DLG2: variants seen among roughly 807,000 people sequenced by gnomAD.
DLG2 encodes the protein disks large homolog 2.
Under a neutral mutation model 132.5 loss-of-function variants are expected in DLG2, and 45 were observed. The ratio of observed to expected loss-of-function variants is 0.34; its 90% confidence interval spans 0.27 to 0.44. The LOEUF (loss-of-function observed/expected upper bound fraction) is 0.44, where lower values mean the gene tolerates loss of function less well. DLG2 is among the 20% of genes least tolerant of loss of function. The probability of loss-of-function intolerance (pLI) is 1.00; values close to 1 mark genes in which losing one functional copy is unlikely to be tolerated. For synonymous variants in DLG2, 424 were observed against 419.6 expected (o/e 1.01, Z -0.13); for missense variants, 1,045 against 1,196.9 (o/e 0.87, Z 1.87).
At chr11:85,283,488 A>AC (rs1439987045) in intron 4 of DLG2, among the ~76,000 whole-genome samples, 2 of 150,880 alleles carry the variant, frequency 1.3e-5, no homozygotes, top group African/African-American at 2.4e-5. Context: ...AACCAGAAAA[A>AC]AAAACAATTA....
intron 4 of DLG2, among the ~76,000 whole-genome samples, chr11:85,170,314 C>T (rs979541182): frequency 6.6e-6 from 1 of 152,074 alleles, no homozygotes; most frequent in Non-Finnish European, 1.5e-5. Flanking sequence ...TCTTTCCCCC[C>T]ACATATACAG....
chr11:85,068,800 A>T (rs975643281), intron 6 of DLG2, among the ~76,000 whole-genome samples: 1 of 152,126 alleles, frequency 6.6e-6, no homozygotes, highest in African/African-American at 2.4e-5. Context: ...GGAAAAAACT[A>T]CTTTAAAGTT....
chr11:84,525,906 C>A (rs1381966478), intron 7 of DLG2, among the ~76,000 whole-genome samples: 1 of 152,088 alleles, frequency 6.6e-6, no homozygotes, highest in Non-Finnish European at 1.5e-5. Context: ...TATAGGGCAA[C>A]CTTGACTTTT....
chr11:85,308,237 G>A (rs2080090913), intron 3 of DLG2, among the ~76,000 whole-genome samples: 1 of 148,968 alleles, frequency 6.7e-6, no homozygotes, highest in Non-Finnish European at 1.5e-5. Flanking sequence ...CAGAAAGCCA[G>A]TTTCTAATTT....
chr11:84,827,675 T>TAAAAAA (rs1419837651), intron 6 of DLG2, among the ~76,000 whole-genome samples: 2 of 3,576 alleles, frequency 5.6e-4, no homozygotes, highest in African/African-American at 1.1e-3. Context: ...GTACATACAG[T>TAAAAAA]CAAAAAAAAA....
chr11:85,163,775 C>G (rs939030205), intron 4 of DLG2, among the ~76,000 whole-genome samples: 1 of 152,120 alleles, frequency 6.6e-6, no homozygotes, highest in African/African-American at 2.4e-5. Flanking sequence ...TACTAACCAC[C>G]CTATAGCTGA....
chr11:85,006,157 T>A (rs2058644547), intron 6 of DLG2, among the ~76,000 whole-genome samples: 1 of 152,226 alleles, frequency 6.6e-6, no homozygotes, highest in South Asian at 2.1e-4. Context: ...TGCATTGAAG[T>A]TCATCAGGGA....
chr11:84,649,226 A>G (rs900036794), intron 6 of DLG2, among the ~76,000 whole-genome samples: 4 of 152,192 alleles, frequency 2.6e-5, no homozygotes, highest in African/African-American at 7.2e-5. Context: ...ATGACCATTA[A>G]GGATTCTCTG....
intron 6 of DLG2, among the ~76,000 whole-genome samples, chr11:84,777,140 G>A (rs549595070): frequency 1.3e-5 from 2 of 151,636 alleles, no homozygotes; most frequent in South Asian, 2.1e-4. Context: ...GTGAGAACAT[G>A]CAATATTTGA....
intron 3 of DLG2, among the ~76,000 whole-genome samples, chr11:85,401,525 A>G (rs568457751): frequency 2.0e-5 from 3 of 152,286 alleles, no homozygotes; most frequent in East Asian, 1.9e-4. Context: ...AGGGTATTCA[A>G]TTAGGAAAAG....
chr11:84,820,649 T>C (rs1262247181), intron 6 of DLG2, among the ~76,000 whole-genome samples: 3 of 151,902 alleles, frequency 2.0e-5, no homozygotes, highest in Non-Finnish European at 4.4e-5. Context: ...CCAGTGCACC[T>C]TGGTTTCTGT....
intron 4 of DLG2, among the ~76,000 whole-genome samples, chr11:85,248,098 T>C (rs117903028): frequency 2.5e-3 from 380 of 152,228 alleles, no homozygotes; most frequent in Non-Finnish European, 4.1e-3. Flanking sequence ...CTATTATATC[T>C]GTGTAGCACA....
intron 3 of DLG2, among the ~76,000 whole-genome samples, chr11:85,468,470 C>T (rs1298189660): frequency 6.6e-6 from 1 of 152,196 alleles, no homozygotes; most frequent in Non-Finnish European, 1.5e-5. Context: ...TTTCCCTCTA[C>T]ACACTGCTTT....
intron 10 of DLG2, among the ~76,000 whole-genome samples, chr11:84,093,577 G>A (rs759431146): frequency 6.6e-6 from 1 of 152,016 alleles, no homozygotes; most frequent in Non-Finnish European, 1.5e-5. Flanking sequence ...AGGTTCTATG[G>A]ATTATGGTAT....
At chr11:84,381,548 T>C (rs1391077780) in intron 7 of DLG2, among the ~76,000 whole-genome samples, 1 of 152,176 alleles carries the variant, frequency 6.6e-6, no homozygotes, top group Non-Finnish European at 1.5e-5. Context: ...GGTTTAATAT[T>C]AGAAAATGTA....
intron 10 of DLG2, among the ~76,000 whole-genome samples, chr11:84,084,684 C>G (rs2096950554): frequency 6.6e-6 from 1 of 152,176 alleles, no homozygotes; most frequent in African/African-American, 2.4e-5. Context: ...CAGGCCTGTA[C>G]TTCTCAGTTT....
intron 8 of DLG2, among the ~76,000 whole-genome samples, chr11:84,228,443 C>T (rs1003818322): frequency 5.3e-5 from 8 of 152,172 alleles, no homozygotes; most frequent in Non-Finnish European, 1.2e-4. Context: ...CAGAATTTTA[C>T]TCCCAACTAT....
intron 6 of DLG2, among the ~76,000 whole-genome samples, chr11:85,092,482 A>G (rs2068945942): frequency 6.6e-6 from 1 of 152,232 alleles, no homozygotes; most frequent in African/African-American, 2.4e-5. Flanking sequence ...AGAAACATAC[A>G]AAAACATGAC....
intron 6 of DLG2, among the ~76,000 whole-genome samples, chr11:84,885,052 C>A (rs1242987992): frequency 6.6e-6 from 1 of 152,012 alleles, no homozygotes; most frequent in Non-Finnish European, 1.5e-5. Flanking sequence ...TGTCGCAATG[C>A]CTGCATCACT....
Sources: allele counts gnomAD v4.1 joint callset (sites outside exome capture counted in the v4.1 genomes callset), GRCh38; gene constraint gnomAD v4.1.1; transcripts MANE v1.5; gene names NCBI Gene and HGNC (gene_info 2026-07-23, HGNC 2026-07-21).